ASIC4: variants seen among roughly 807,000 people sequenced by gnomAD.
The protein encoded by ASIC4 is acid sensing ion channel subunit family member 4.
Under a neutral mutation model 53.4 loss-of-function variants are expected in ASIC4, and 28 were observed. The ratio of observed to expected loss-of-function variants is 0.52; its 90% CI spans 0.39 to 0.72. The LOEUF (loss-of-function observed/expected upper bound fraction) is 0.72. ASIC4 is among the 30% of genes least tolerant of loss of function. The pLI, the probability that ASIC4 is intolerant of heterozygous loss-of-function variation, is 0.00. For synonymous variants in ASIC4, 289 were observed against 301.4 expected (o/e 0.96, Z 0.43); for missense variants, 649 against 729.7 (o/e 0.89, Z 1.27).
chr2:219,531,928 G>A (rs1695048342), intron 2 of ASIC4, 26 bp downstream of exon 2: 3 of 1,611,742 alleles, frequency 1.9e-6, no homozygotes, highest in Non-Finnish European at 2.5e-6. Context: ...AGGGACAAGG[G>A]CCACCTTGGG....
chr2:219,509,218 GC>G (rs1453626952), upstream of ASIC4, among the ~76,000 whole-genome samples: 1 of 152,048 alleles, frequency 6.6e-6, no homozygotes, highest in Non-Finnish European at 1.5e-5. This position sits in a 1 kb window ranked among gnomAD's most constrained non-coding sequence, Gnocchi z 5.2. Flanking sequence ...GCAGATTGCA[GC>G]CCCCTCCCCC....
At chr2:219,523,257 G>A (rs1238545536) in intron 1 of ASIC4, among the ~76,000 whole-genome samples, 1 of 152,238 alleles carries the variant, frequency 6.6e-6, no homozygotes, top group African/African-American at 2.4e-5. Context: ...TAAGGCCTAA[G>A]CGGTCGCTGC....
the ASIC4 span, among the ~76,000 whole-genome samples, chr2:219,508,351 T>C: frequency 5.9e-5 from 9 of 152,158 alleles, no homozygotes; most frequent in South Asian, 1.9e-3. Context: ...CACCGTGAAA[T>C]CCAATAAGTC....
intron 1 of ASIC4, among the ~76,000 whole-genome samples, chr2:219,519,405 T>C (rs1188908416): frequency 6.6e-6 from 1 of 152,212 alleles, no homozygotes; most frequent in African/African-American, 2.4e-5. Context: ...TTACTCTCCA[T>C]TACCTAGTCA....
intron 1 of ASIC4, among the ~76,000 whole-genome samples, chr2:219,531,203 T>TAA (rs35070228): frequency 0.26 from 37,289 of 144,928 alleles, 4,703 homozygotes; most frequent in South Asian, 0.44. Context: ...AAATAAAAAG[T>TAA]AAAAAAAAAA....
intron 1 of ASIC4, among the ~76,000 whole-genome samples, chr2:219,519,993 C>G (rs1342688721): frequency 2.6e-5 from 4 of 152,060 alleles, no homozygotes; most frequent in Non-Finnish European, 4.4e-5. Context: ...ACGCTACTGT[C>G]TGGAAAATTG....
At position 219,536,267 on chromosome 2, in the gene ASIC4, G is replaced by A. The variant is rs557963655; in HGVS notation, c.1230-799G>A. ...CTTTCTTCCCTGCACGGAGGGAGAG[G>A]GACAGGATGAGACAGGAGAGGAACA... On this transcript the variant is annotated intron_variant, in intron 6 of 9. Coordinates refer to ENST00000358078, the MANE Select transcript of ASIC4 (RefSeq NM_018674.6). This position sits in a 1 kb window ranked among gnomAD's most constrained non-coding sequence, Gnocchi z 4.6. Among the ~76,000 whole-genome samples, 1 of 152,338 alleles carries A rather than the reference G, an allele frequency of 6.6e-6. No homozygotes were observed. Among genetic ancestry groups the A allele is most frequent in the South Asian group, 2.1e-4 (1 of 4,832 alleles).
chr2:219,514,450 G>A, upstream of ASIC4: 1 of 1,550,134 alleles, frequency 6.5e-7, no homozygotes, highest in Middle Eastern at 2.0e-4. Context: ...AGCTGTGCTG[G>A]TGCTGATAAG....
intron 1 of ASIC4, 24 bp downstream of exon 1, chr2:219,515,330 C>G: frequency 6.3e-7 from 1 of 1,592,602 alleles, no homozygotes; most frequent in Non-Finnish European, 8.6e-7. Context: ...GCTGGGCTGC[C>G]TGGCCTTGGA....
Position 219,532,142 on chromosome 2 carries a change from G to C in ASIC4, c.855+14G>C, listed in dbSNP as rs754395464. 2 of 1,613,970 alleles carry C rather than the reference G, an allele frequency of 1.2e-6. No homozygotes were observed. The highest frequency in any genetic ancestry group is 2.2e-5 in the South Asian group (2 of 91,070). ...CAGGAACAGCGGGTGAGCATCTCCT[G>C]CTAGGCCCTGGATTGGGCACAGGGC... On this transcript the variant is annotated intron_variant, in intron 3 of 9. Coordinates refer to ENST00000358078, the MANE Select transcript of ASIC4 (RefSeq NM_018674.6).
upstream of ASIC4, among the ~76,000 whole-genome samples, chr2:219,512,430 C>T (rs1694713980): frequency 6.6e-6 from 1 of 151,800 alleles, no homozygotes; most frequent in African/African-American, 2.4e-5. Context: ...TGGCAAAGCC[C>T]CAGACTAAAG....
chr2:219,521,219 C>T (rs1353606836), intron 1 of ASIC4, among the ~76,000 whole-genome samples: 1 of 152,190 alleles, frequency 6.6e-6, no homozygotes, highest in African/African-American at 2.4e-5. Context: ...AGTGGGAGGG[C>T]CATGAGGGAC....
At chr2:219,534,894 G>A (rs1447898354) in intron 5 of ASIC4, among the ~76,000 whole-genome samples, 1 of 151,738 alleles carries the variant, frequency 6.6e-6, no homozygotes, top group East Asian at 1.9e-4. Flanking sequence ...GATGGGCTGT[G>A]TTCTCCCTCT....
Position 219,537,826 on chromosome 2 carries a change from G to C in ASIC4, c.1506+90G>C. 1 of 1,509,980 alleles carries C rather than the reference G, an allele frequency of 6.6e-7. No homozygotes were observed. The highest frequency in any genetic ancestry group is 1.2e-5 in the South Asian group (1 of 84,252). The allele number at this position is 1,509,980 out of a possible 1,614,324, so 93.5% of individuals were successfully genotyped here. A position where few individuals can be genotyped will look rare whatever the true frequency, so the allele number is the denominator to read the frequency against. On this transcript the variant is annotated intron_variant, in intron 9 of 9. Coordinates refer to ENST00000358078, the MANE Select transcript of ASIC4 (RefSeq NM_018674.6). The surrounding 1 kb of genome is among the most constrained non-coding windows in gnomAD (Gnocchi z 4.9). Reference sequence around the variant, plus strand: ...TGTTTCTGAACCAGCCTGTGGAGGGGGCCCTGGAGCCTCTGCCCGAGGTGA... The same window carrying C: ...TGTTTCTGAACCAGCCTGTGGAGGGCGCCCTGGAGCCTCTGCCCGAGGTGA...
At chr2:219,512,578 G>A (rs992050755), upstream of ASIC4, among the ~76,000 whole-genome samples, 2 of 152,220 alleles carry the variant, frequency 1.3e-5, no homozygotes, top group African/African-American at 4.8e-5. Flanking sequence ...CTACCAGGGA[G>A]GGGAGAGCAT....
chr2:219,522,905 C>T (rs1301343403), intron 1 of ASIC4, among the ~76,000 whole-genome samples: 3 of 152,026 alleles, frequency 2.0e-5, no homozygotes, highest in South Asian at 2.1e-4. Flanking sequence ...GGAGGGCGCT[C>T]GGGAGCCGTG....
rs777738338 is a variant in ASIC4, at chr2:219,514,730, G to A, written c.6G>A (p.Pro2=). 9 of 1,613,564 alleles carry A rather than the reference G, an allele frequency of 5.6e-6. No homozygotes were observed. The East Asian group carries it at 1.1e-4, about 20-fold the overall frequency. ...GTCCCAGCAGCCGGGGACAGATGCC[G>A]ATCGAGATTGTGTGCAAAATCAAAT... M[P]IEIVCKIKFA... is the part of the protein sequence containing the mutation. The change falls in exon 1 of 10, where the codon CCG becomes CCA. Residue 2 remains proline, a synonymous_variant. Transcript: ENST00000358078.
intron 5 of ASIC4, among the ~76,000 whole-genome samples, chr2:219,534,801 C>G (rs911576301): frequency 4.5e-5 from 6 of 134,294 alleles, no homozygotes; most frequent in Non-Finnish European, 1.0e-4. Flanking sequence ...ATCCATCCAT[C>G]CATCCATCCA....
chr2:219,518,944 C>T lies in ASIC4; in HGVS notation c.582+3638C>T, dbSNP rs978805237. Among the ~76,000 whole-genome samples, 1 of 152,098 alleles carries T rather than the reference C, an allele frequency of 6.6e-6. No individual in the cohort carries two copies. The highest frequency in any genetic ancestry group is 2.1e-4 in the South Asian group (1 of 4,828). ...TTTTTGAGACAGAGTCTCGTTGTTG[C>T]CCAGGCTGGAGTGCAGCGGCGCGAT... On this transcript the variant is annotated intron_variant, in intron 1 of 9. Transcript: ENST00000358078. The surrounding 1 kb of genome is among the most constrained non-coding windows in gnomAD (Gnocchi z 4.8).
Sources: allele counts gnomAD v4.1 joint callset (sites outside exome capture counted in the v4.1 genomes callset), GRCh38; gene constraint gnomAD v4.1.1; non-coding constraint Gnocchi (gnomAD v3.1); transcripts MANE v1.5; gene names NCBI Gene and HGNC (gene_info 2026-07-23, HGNC 2026-07-21).